The following PRDM16 variants were observed in gnomAD, a reference collection of about 807,000 sequenced individuals.
PRDM16 encodes the protein histone-lysine N-methyltransferase PRDM16.
PRDM16 carries 23 observed loss-of-function variants against 110.6 expected under a neutral mutation model. The observed-to-expected ratio is 0.21, with a 90% CI of 0.15 to 0.29. The LOEUF is 0.29. Ranked by LOEUF, PRDM16 falls within the 10% of genes least tolerant of loss-of-function variation. PRDM16 has a pLI of 1.00. For synonymous variants in PRDM16, 799 were observed against 781.8 expected (o/e 1.02, Z -0.37); for missense variants, 1,615 against 1,794.3 (o/e 0.90, Z 1.81).
At chr1:3,225,093 G>A (rs1319758039) in intron 2 of PRDM16, among the ~76,000 whole-genome samples, 3 of 152,180 alleles carry the variant, frequency 2.0e-5, no homozygotes, top group Middle Eastern at 3.4e-3. Context: ...ATTTTCAAAA[G>A]AACCTTGAAA....
rs1643868861 is a variant in PRDM16 at position 3,157,525 on chromosome 1, A to G, written c.38-28600A>G. ...AGTTGTTTGGTAGGATAAGGTCTTT[A>G]TGGGCAGAAAAGAGATGATAGATGA... On this transcript the variant is annotated intron_variant, in intron 1 of 16. Transcript: ENST00000270722. The surrounding 1 kb of genome is among the most constrained non-coding windows in gnomAD (Gnocchi z 4.8). 6.6e-6 allele frequency among the ~76,000 whole-genome samples: 1 copy of G among 150,748 alleles called. No individual in the cohort carries two copies. The highest frequency in any genetic ancestry group is 1.5e-5 in the Non-Finnish European group (1 of 67,842).
chr1:3,288,854 G>T (rs980853917), intron 3 of PRDM16, among the ~76,000 whole-genome samples: 19 of 152,152 alleles, frequency 1.2e-4, no homozygotes, highest in African/African-American at 3.1e-4. Flanking sequence ...TGCCCCTTCT[G>T]GGGGAGGAAG....
intron 12 of PRDM16, among the ~76,000 whole-genome samples, chr1:3,419,880 G>A (rs933140279): frequency 7.3e-5 from 11 of 151,690 alleles, no homozygotes; most frequent in African/African-American, 1.7e-4. Flanking sequence ...TACCACTTAC[G>A]GGTCATCTGT....
intron 3 of PRDM16, among the ~76,000 whole-genome samples, chr1:3,298,052 G>T (rs1641128032): frequency 6.7e-6 from 1 of 150,262 alleles, no homozygotes; most frequent in African/African-American, 2.5e-5. Context: ...GGAAGCTGCT[G>T]AGAGTTCTGC....
At chr1:3,146,722 C>T (rs1428131553) in intron 1 of PRDM16, among the ~76,000 whole-genome samples, 1 of 107,914 alleles carries the variant, frequency 9.3e-6, no homozygotes, top group Admixed American at 1.1e-4. Context: ...CACATGTGTG[C>T]TCGGTGTGGG....
intron 2 of PRDM16, among the ~76,000 whole-genome samples, chr1:3,204,704 C>A (rs1486306033): frequency 2.0e-5 from 3 of 152,268 alleles, no homozygotes; most frequent in South Asian, 4.1e-4. Context: ...AGACGTGTGA[C>A]CACGATCGTG....
At chr1:3,149,602 T>C (rs772121597) in intron 1 of PRDM16, among the ~76,000 whole-genome samples, 4 of 152,190 alleles carry the variant, frequency 2.6e-5, no homozygotes, top group Non-Finnish European at 4.4e-5. Flanking sequence ...CATGCTGTCT[T>C]CCTGGGTTTA....
chr1:3,081,528 A>C lies in PRDM16; in HGVS notation c.37+12232A>C, dbSNP rs1046172670. ...CGACTTGCATTTTCTGACAGTCCCC[A>C]GCTCTCTCTGCAGAGTATAGGCTAC... On this transcript the variant is annotated intron_variant, in intron 1 of 16. Coordinates refer to ENST00000270722, the MANE Select transcript of PRDM16 (RefSeq NM_022114.4). This position sits in a 1 kb window ranked among gnomAD's most constrained non-coding sequence, Gnocchi z 4.6. Among the ~76,000 whole-genome samples, 3 of 152,152 alleles carry C rather than the reference A, an allele frequency of 2.0e-5. No homozygotes were observed. The highest frequency in any genetic ancestry group is 7.2e-5 in the African/African-American group (3 of 41,446).
intron 3 of PRDM16, among the ~76,000 whole-genome samples, chr1:3,335,429 G>A (rs903819423): frequency 6.6e-6 from 1 of 152,180 alleles, no homozygotes; most frequent in Non-Finnish European, 1.5e-5. Context: ...TAGAGAACAC[G>A]TCCTTAGCCC....
chr1:3,426,332 T>A, intron 14 of PRDM16, 107 bp downstream of exon 14: 1 of 871,128 alleles, frequency 1.1e-6, no homozygotes, highest in East Asian at 2.7e-5. Context: ...CCCTAACACA[T>A]CCAGATAGGC....
rs965866552 is a variant in PRDM16 at position 3,339,298 on chromosome 1, G to A, written c.439-45854G>A. ...CAAAGACAGACGTCCTGCTTGTCTCGGTATCCCTGGCCCTTGCCCAGGGTG... is the reference window on the plus strand; with the variant it reads ...CAAAGACAGACGTCCTGCTTGTCTCAGTATCCCTGGCCCTTGCCCAGGGTG... On this transcript the variant is annotated intron_variant, in intron 3 of 16. Transcript: ENST00000270722. The surrounding 1 kb of genome is among the most constrained non-coding windows in gnomAD (Gnocchi z 5.0). Among the ~76,000 whole-genome samples, 44 of 152,046 alleles carry A rather than the reference G, an allele frequency of 2.9e-4. 1 individual carries two copies. The highest frequency in any genetic ancestry group is 1.6e-4 in the Non-Finnish European group (11 of 68,012).
At chr1:3,126,820 A>T (rs1235812302) in intron 1 of PRDM16, among the ~76,000 whole-genome samples, 2 of 152,214 alleles carry the variant, frequency 1.3e-5, no homozygotes, top group Non-Finnish European at 2.9e-5. Context: ...AAGATTCCAG[A>T]AGGGCTTCTG....
chr1:3,202,464 C>A (rs1298926704), intron 2 of PRDM16, among the ~76,000 whole-genome samples: 1 of 152,156 alleles, frequency 6.6e-6, no homozygotes, highest in Non-Finnish European at 1.5e-5. Context: ...AGGGCTCAGT[C>A]CCCTTGGTCA....
In PRDM16 at chr1:3,157,136, G is replaced by A. The variant is rs138620333; in HGVS notation, c.38-28989G>A. ...AGGGCAGGGAGTGTTAGCACCTGCC[G>A]GGCTCAGCCTGGGCGGCTCAGAGGG... On this transcript the variant is annotated intron_variant, in intron 1 of 16. Coordinates refer to ENST00000270722, the MANE Select transcript of PRDM16 (RefSeq NM_022114.4). This position sits in a 1 kb window ranked among gnomAD's most constrained non-coding sequence, Gnocchi z 4.8. Among the ~76,000 whole-genome samples the A allele has an allele frequency of 4.8e-3, 737 of 152,282 alleles. 4 individuals are homozygous for A. The highest frequency in any genetic ancestry group is 0.016 in the African/African-American group (684 of 41,568).
chr1:3,296,062 G>A (rs1458169904), intron 3 of PRDM16, among the ~76,000 whole-genome samples: 1 of 152,212 alleles, frequency 6.6e-6, no homozygotes, highest in African/African-American at 2.4e-5. Flanking sequence ...TGCCCGAAAG[G>A]ACAGCTGGAG....
chr1:3,197,265 G>A (rs764118551), intron 2 of PRDM16, among the ~76,000 whole-genome samples: 2 of 152,140 alleles, frequency 1.3e-5, no homozygotes, highest in East Asian at 1.9e-4. Flanking sequence ...CCAGGGTCCC[G>A]ACCCCCAGGC....
rs1197100001 is a variant in PRDM16 at position 3,080,056 on chromosome 1, G to C, written c.37+10760G>C. ...AAGAGACTGGAAAAGTTCAAAGGTG[G>C]AGAGGCGGCAGCGATCTGGAGCACT... On this transcript the variant is annotated intron_variant, in intron 1 of 16. Transcript: ENST00000270722. The surrounding 1 kb of genome is among the most constrained non-coding windows in gnomAD (Gnocchi z 5.2). Among the ~76,000 whole-genome samples the C allele has an allele frequency of 6.6e-6, 1 of 152,232 alleles. No individual in the cohort carries two copies. Among genetic ancestry groups the C allele is most frequent in the Non-Finnish European group, 1.5e-5 (1 of 68,042 alleles).
intron 3 of PRDM16, among the ~76,000 whole-genome samples, chr1:3,384,701 A>T (rs894731696): frequency 2.0e-5 from 3 of 152,222 alleles, no homozygotes; most frequent in Admixed American, 6.5e-5. Context: ...TGCCCTGAGC[A>T]TGCACACACA....
chr1:3,134,165 C>T (rs1295950034), intron 1 of PRDM16, among the ~76,000 whole-genome samples: 1 of 152,158 alleles, frequency 6.6e-6, no homozygotes, highest in Non-Finnish European at 1.5e-5. Context: ...CCTTGGAGAT[C>T]AGCACCTCCC....
Sources: gnomAD v4.1 joint callset for allele counts (sites outside exome capture counted in the v4.1 genomes callset) on GRCh38, gnomAD v4.1.1 for gene constraint, Gnocchi (gnomAD v3.1) non-coding constraint, MANE v1.5 for transcripts, NCBI Gene and HGNC (gene_info 2026-07-23, HGNC 2026-07-21) for gene names.